ZNF568: variants seen among roughly 807,000 people sequenced by gnomAD.
ZNF568 encodes p53 inhibitor of SCO2 activation.
Under a neutral mutation model 18.1 loss-of-function variants are expected in ZNF568, and 11 were observed. The ratio of observed to expected loss-of-function variants is 0.61; its 90% CI spans 0.38 to 1.00. The LOEUF is 1.00. Ranked by LOEUF, ZNF568 falls within the 50% of genes least tolerant of loss-of-function variation. The pLI is 0.01. For synonymous variants in ZNF568, 213 were observed against 246.6 expected (o/e 0.86, Z 1.28); for missense variants, 639 against 768.2 (o/e 0.83, Z 1.99).
At chr19:36,927,048 A>T (rs892652555) in intron 4 of ZNF568, among the ~76,000 whole-genome samples, 6 of 152,196 alleles carry the variant, frequency 3.9e-5, no homozygotes, top group African/African-American at 1.4e-4. Context: ...AGAATATTTT[A>T]AGAATGTCTA....
intron 5 of ZNF568, 91 bp from the exon 6 acceptor site, chr19:36,937,055 CT>C: frequency 7.1e-7 from 1 of 1,416,506 alleles, no homozygotes; most frequent in South Asian, 1.3e-5. Context: ...TCATCCTCAT[CT>C]TTTATAAGCC....
At chr19:36,917,897 G>A (rs2073374054) in intron 2 of ZNF568, among the ~76,000 whole-genome samples, 2 of 152,030 alleles carry the variant, frequency 1.3e-5, no homozygotes, top group African/African-American at 2.4e-5. Flanking sequence ...ACCAATTTCT[G>A]TGTTATTCTT....
At chr19:36,985,493 GC>G (rs1179185669) in intron 2 of ZNF568, among the ~76,000 whole-genome samples, 1 of 145,604 alleles carries the variant, frequency 6.9e-6, no homozygotes, top group East Asian at 2.0e-4. Flanking sequence ...ATGCCTCTTT[GC>G]ATGTTTTTGT....
rs768988915 is a variant in ZNF568 at position 36,950,646 on chromosome 19, G to T, written c.1493G>T (p.Gly498Val). ...NLIRHQRIHT[G>V]EKPYACTVCG... ...ATTCGACACCAGAGAATTCATACGGGTGAGAAACCCTATGCATGTACAGTA... is the reference window on the plus strand; with the variant it reads ...ATTCGACACCAGAGAATTCATACGGTTGAGAAACCCTATGCATGTACAGTA... Residue 498 changes from glycine (G) to valine (V), a missense_variant, in exon 7 of 7, where the codon GGT becomes GTT. Physicochemically the swap from Gly to Val is moderately radical, Grantham distance 109. Coordinates refer to ENST00000333987, the MANE Select transcript of ZNF568 (RefSeq NM_198539.4). 2 of 1,613,950 alleles carry T rather than the reference G, an allele frequency of 1.2e-6. No individual in the cohort carries two copies. Among genetic ancestry groups the T allele is most frequent in the Non-Finnish European group, 1.7e-6 (2 of 1,179,900 alleles).
intron 7 of ZNF568, among the ~76,000 whole-genome samples, chr19:36,975,152 C>CTTTCTTTT (rs1555738274): frequency 1.6e-5 from 2 of 126,552 alleles, no homozygotes; most frequent in Admixed American, 8.0e-5. Flanking sequence ...TTCTTTCTTT[C>CTTTCTTTT]TTTTTTTTTT....
chr19:36,933,306 T>C (rs570076151), intron 4 of ZNF568, among the ~76,000 whole-genome samples: 1 of 152,278 alleles, frequency 6.6e-6, no homozygotes, highest in East Asian at 1.9e-4. Context: ...GGTGAAGTTT[T>C]TTATCACCAT....
At chr19:36,990,111 T>C (rs546576301) in intron 2 of ZNF568, among the ~76,000 whole-genome samples, 4 of 152,314 alleles carry the variant, frequency 2.6e-5, no homozygotes, top group Admixed American at 6.5e-5. Context: ...TCCTGAGATA[T>C]GTAGATTGTA....
chr19:36,924,473 T>C (rs1233720812), intron 3 of ZNF568, among the ~76,000 whole-genome samples: 1 of 139,300 alleles, frequency 7.2e-6, no homozygotes, highest in East Asian at 2.3e-4. Context: ...CGCCTTGGCC[T>C]CCCAAAGTGC....
chr19:36,955,705 C>T (rs2074102637), downstream of ZNF568, among the ~76,000 whole-genome samples: 1 of 151,984 alleles, frequency 6.6e-6, no homozygotes, highest in East Asian at 1.9e-4. Flanking sequence ...TGAATGGCCT[C>T]AAAACACACA....
chr19:36,945,769 G>A (rs977748337), intron 6 of ZNF568, among the ~76,000 whole-genome samples: 79 of 151,836 alleles, frequency 5.2e-4, no homozygotes, highest in Middle Eastern at 3.4e-3. Context: ...GTGTATGTAT[G>A]TGTGTGTGTT....
At chr19:36,984,126 C>G (rs900703379), downstream of ZNF568, among the ~76,000 whole-genome samples, 1 of 152,028 alleles carries the variant, frequency 6.6e-6, no homozygotes, top group African/African-American at 2.4e-5. Context: ...GTCTCGATCT[C>G]CTGACCTCAT....
At chr19:36,957,073 G>A (rs1203972820), downstream of ZNF568, among the ~76,000 whole-genome samples, 1 of 151,898 alleles carries the variant, frequency 6.6e-6, no homozygotes, top group Non-Finnish European at 1.5e-5. Context: ...GTAGACAGCT[G>A]GGTTCTCATA....
At chr19:36,985,861 C>T (rs532907417) in intron 2 of ZNF568, among the ~76,000 whole-genome samples, 21 of 152,212 alleles carry the variant, frequency 1.4e-4, no homozygotes, top group African/African-American at 4.8e-4. Flanking sequence ...AGGCAAAATT[C>T]ACATAATATA....
rs1007548985 is a variant in ZNF568 at position 36,922,698 on chromosome 19, T to C, written c.-73T>C. 2 of 1,349,808 alleles carry C rather than the reference T, an allele frequency of 1.5e-6. No homozygotes were observed. Among genetic ancestry groups the C allele is most frequent in the Non-Finnish European group, 2.1e-6 (2 of 949,100 alleles). The allele number at this position is 1,349,808 out of a possible 1,614,324, so 83.6% of individuals were successfully genotyped here. On this transcript the variant is annotated 5_prime_UTR_variant, in exon 3 of 7. Coordinates refer to ENST00000333987, the MANE Select transcript of ZNF568 (RefSeq NM_198539.4). The stretch of plus-strand genomic sequence containing the variant: ...GAGACCTGCCTTAGAGGCTGGAGAG[T>C]CCTGAAAGAGAGTGGACCCTGGAGT...
chr19:36,980,327 C>G (rs1304215959), downstream of ZNF568: 1 of 152,050 alleles, frequency 6.6e-6, no homozygotes, highest in Non-Finnish European at 1.5e-5. Flanking sequence ...ATTATTTTGC[C>G]TTTAATGTTT....
intron 6 of ZNF568, among the ~76,000 whole-genome samples, chr19:36,945,209 AAGT>A (rs1395267316): frequency 1.9e-5 from 2 of 107,726 alleles, no homozygotes; most frequent in Non-Finnish European, 3.8e-5. Context: ...ACAGAGAGAG[AAGT>A]GTGTGTGTGT....
Position 36,925,267 on chromosome 19 carries a change from T to G in ZNF568, c.135+9T>G. 1 of 1,613,272 alleles carries G rather than the reference T, an allele frequency of 6.2e-7. No homozygotes were observed. Among genetic ancestry groups the G allele is most frequent in the Non-Finnish European group, 8.5e-7 (1 of 1,179,304 alleles). On this transcript the variant is annotated intron_variant, in intron 4 of 6. Coordinates refer to ENST00000333987, the MANE Select transcript of ZNF568 (RefSeq NM_198539.4). The stretch of plus-strand genomic sequence containing the variant: ...ATACAACCAGGCCTCTTGTACGTCT[T>G]AAGCATTTATTTGTTTCCTGCATTA...
intron 4 of ZNF568, among the ~76,000 whole-genome samples, chr19:36,935,088 T>C (rs969139629): frequency 3.3e-5 from 5 of 152,124 alleles, no homozygotes; most frequent in African/African-American, 4.8e-5. Context: ...GCTGGGCCTA[T>C]TGAGGCTTCT....
downstream of ZNF568, among the ~76,000 whole-genome samples, chr19:36,984,270 T>C (rs1004643760): frequency 6.6e-6 from 1 of 152,162 alleles, no homozygotes; most frequent in African/African-American, 2.4e-5. Context: ...ATTGAAGGTA[T>C]CATTTTTGTG....
Sources: allele counts gnomAD v4.1 joint callset (sites outside exome capture counted in the v4.1 genomes callset), GRCh38; gene constraint gnomAD v4.1.1; transcripts MANE v1.5; gene names NCBI Gene and HGNC (gene_info 2026-07-23, HGNC 2026-07-21).